BCL11B: variants seen among roughly 807,000 people sequenced by gnomAD.
The protein encoded by BCL11B is B-cell lymphoma/leukemia 11B.
BCL11B carries 8 observed loss-of-function variants against 49.9 expected under a neutral mutation model. The ratio of observed to expected loss-of-function variants is 0.16; its 90% CI spans 0.09 to 0.29. The LOEUF is 0.29. Ranked by LOEUF, BCL11B falls within the 10% of genes least tolerant of loss-of-function variation. The probability of loss-of-function intolerance (pLI) is 1.00; values close to 1 mark genes in which losing one functional copy is unlikely to be tolerated. For synonymous variants in BCL11B, 739 were observed against 637.4 expected, an observed-to-expected ratio of 1.16 and a Z score of -2.40; for missense variants, 1,006 against 1,351.0, an observed-to-expected ratio of 0.74 and a Z score of 4.00.
intron 3 of BCL11B, among the ~76,000 whole-genome samples, chr14:99,180,341 T>C (rs548548074): frequency 7.3e-4 from 111 of 152,350 alleles, no homozygotes; most frequent in South Asian, 3.3e-3. Context: ...GGGCCTCGTC[T>C]TCCCTTGCTT....
chr14:99,217,385 G>GACACACACACACACACAGACAC (rs1887879466), intron 3 of BCL11B, among the ~76,000 whole-genome samples: 1 of 131,016 alleles, frequency 7.6e-6, no homozygotes, highest in Non-Finnish European at 1.7e-5. Flanking sequence ...CACACATACA[G>GACACACACACACACACAGACAC]ACACACACAC....
In BCL11B at chr14:99,241,050, G is replaced by C. The variant is rs1888654888; in HGVS notation, c.428-9493C>G. Among the ~76,000 whole-genome samples, 2 of 151,954 alleles carry C rather than the reference G, an allele frequency of 1.3e-5. No individual in the cohort carries two copies. Among genetic ancestry groups the C allele is most frequent in the Admixed American group, 1.3e-4 (2 of 15,248 alleles). ...TTTTTCCTCAGCTGTCTTTGAAACA[G>C]AGCTGATGTGCTGGACCTCAGACAG... On this transcript the variant is annotated intron_variant, in intron 2 of 3. Coordinates refer to ENST00000357195, the MANE Select transcript of BCL11B (RefSeq NM_138576.4). This position sits in a 1 kb window ranked among gnomAD's most constrained non-coding sequence, Gnocchi z 4.4.
chr14:99,233,297 A>C (rs1888390070), intron 2 of BCL11B, among the ~76,000 whole-genome samples: 2 of 152,110 alleles, frequency 1.3e-5, no homozygotes, highest in Admixed American at 6.5e-5. Context: ...GAAAAGATCC[A>C]CATTCCACTG....
At chr14:99,255,405 G>GAAAAAAAAAAAAAAAAA (rs67440207) in intron 2 of BCL11B, among the ~76,000 whole-genome samples, 1 of 65,182 alleles carries the variant, frequency 1.5e-5, no homozygotes, top group East Asian at 5.2e-4. Flanking sequence ...TCACAACCTG[G>GAAAAAAAAAAAAAAAAA]AAAAAAAAAA....
intron 3 of BCL11B, among the ~76,000 whole-genome samples, chr14:99,209,066 C>A (rs560041643): frequency 3.9e-5 from 6 of 152,260 alleles, no homozygotes; most frequent in Admixed American, 1.3e-4. Context: ...TAAAATGTGT[C>A]TAGGATAGAG....
chr14:99,271,298 G>GAGCCGCTGC lies in BCL11B; in HGVS notation c.-81_-80insGCAGCGGCT. On this transcript the variant is annotated 5_prime_UTR_variant, in exon 1 of 4. Transcript: ENST00000357195. ...GGGGGAGGGGGTCCGAGCCGCCGCC[G>GAGCCGCTGC]CGCCGCTGCCGCCGCTGCCGCCGCC... 1.1e-6 allele frequency: 1 copy of GAGCCGCTGC among 885,084 alleles called. No homozygotes were observed. Among genetic ancestry groups the GAGCCGCTGC allele is most frequent in the Non-Finnish European group, 1.5e-6 (1 of 675,886 alleles). 54.8% of individuals were successfully genotyped at this position (885,084 alleles called of 1,614,324 possible). A position where few individuals can be genotyped will look rare whatever the true frequency, so the allele number is the denominator to read the frequency against.
intron 3 of BCL11B, among the ~76,000 whole-genome samples, chr14:99,206,637 A>G (rs1425532140): frequency 6.6e-6 from 1 of 152,170 alleles, no homozygotes; most frequent in African/African-American, 2.4e-5. Flanking sequence ...AGCCACTCTT[A>G]TTTTACCTAA....
intron 2 of BCL11B, among the ~76,000 whole-genome samples, chr14:99,250,650 A>G (rs1451470122): frequency 1.3e-5 from 2 of 152,172 alleles, no homozygotes; most frequent in African/African-American, 4.8e-5. Context: ...ATGCCTGATT[A>G]AAAAAACTTT....
At chr14:99,179,999 C>T (rs1206628121) in intron 3 of BCL11B, among the ~76,000 whole-genome samples, 1 of 152,152 alleles carries the variant, frequency 6.6e-6, no homozygotes, top group East Asian at 1.9e-4. Context: ...TCTCAGACGG[C>T]TCATTTTTAA....
intron 2 of BCL11B, among the ~76,000 whole-genome samples, chr14:99,249,221 G>A (rs1888930120): frequency 6.6e-6 from 1 of 152,144 alleles, no homozygotes; most frequent in Non-Finnish European, 1.5e-5. Flanking sequence ...CGAGGCCTGG[G>A]CTCCTGGGAC....
At chr14:99,221,577 C>T (rs956067088) in intron 3 of BCL11B, among the ~76,000 whole-genome samples, 4 of 152,236 alleles carry the variant, frequency 2.6e-5, no homozygotes, top group South Asian at 2.1e-4. Context: ...CAAGGCCAGG[C>T]GGGAGGGGCA....
chr14:99,200,708 C>A (rs919571334), intron 3 of BCL11B, among the ~76,000 whole-genome samples: 3 of 152,226 alleles, frequency 2.0e-5, no homozygotes, highest in African/African-American at 7.2e-5. Context: ...CCTGGCATGG[C>A]GCAGGAGGCT....
intron 1 of BCL11B, among the ~76,000 whole-genome samples, chr14:99,261,393 G>A (rs1446220489): frequency 6.6e-6 from 1 of 152,192 alleles, no homozygotes; most frequent in Non-Finnish European, 1.5e-5. Flanking sequence ...CCCTGGGAAG[G>A]GCAAAGTGAC....
chr14:99,235,154 C>A (rs2139900550), intron 2 of BCL11B, among the ~76,000 whole-genome samples: 1 of 152,344 alleles, frequency 6.6e-6, no homozygotes, highest in East Asian at 1.9e-4. Flanking sequence ...CTTCCCCACC[C>A]CTGAAGCCTC....
chr14:99,270,913 A>C (rs1889656270), intron 1 of BCL11B, among the ~76,000 whole-genome samples: 1 of 150,760 alleles, frequency 6.6e-6, no homozygotes, highest in South Asian at 2.1e-4. Context: ...CCCGGCCCGG[A>C]GCCGGCTCCG....
intron 3 of BCL11B, among the ~76,000 whole-genome samples, chr14:99,229,094 G>GGATA (rs1165796267): frequency 2.9e-4 from 41 of 142,638 alleles, no homozygotes; most frequent in African/African-American, 1.1e-3. Flanking sequence ...ATGGATAGAT[G>GGATA]GATGGATGGA....
intron 2 of BCL11B, among the ~76,000 whole-genome samples, chr14:99,236,631 G>A (rs11851195): frequency 1.3e-5 from 2 of 152,112 alleles, no homozygotes; most frequent in East Asian, 3.9e-4. Context: ...GGAGAGCTCA[G>A]GCCTCCTGGA....
At chr14:99,257,000 C>T (rs1025872006) in intron 2 of BCL11B, among the ~76,000 whole-genome samples, 2 of 152,116 alleles carry the variant, frequency 1.3e-5, no homozygotes, top group African/African-American at 2.4e-5. Context: ...CAGGTCATGC[C>T]GCATGCAACA....
Position 99,241,809 on chromosome 14 carries a change from A to C in BCL11B, c.428-10252T>G, listed in dbSNP as rs1463391658. 6.6e-6 allele frequency among the ~76,000 whole-genome samples: 1 copy of C among 152,224 alleles called. No homozygotes were observed. The highest frequency in any genetic ancestry group is 1.5e-5 in the Non-Finnish European group (1 of 68,042). ...AAATCCAGCAGCTTCCTTGGCAGCG[A>C]GAAAGGCTGGCTGGCATTATCCCCT... On this transcript the variant is annotated intron_variant, in intron 2 of 3. Coordinates refer to ENST00000357195, the MANE Select transcript of BCL11B (RefSeq NM_138576.4). The surrounding 1 kb of genome is among the most constrained non-coding windows in gnomAD (Gnocchi z 4.4).
Sources: allele counts gnomAD v4.1 joint callset (sites outside exome capture counted in the v4.1 genomes callset), GRCh38; gene constraint gnomAD v4.1.1; non-coding constraint Gnocchi (gnomAD v3.1); transcripts MANE v1.5; gene names NCBI Gene and HGNC (gene_info 2026-07-23, HGNC 2026-07-21).